The following ZNF567 variants were observed in gnomAD, a reference collection of about 807,000 sequenced individuals.
ZNF567 encodes the protein zinc finger protein 567.
Under a neutral mutation model 53.9 loss-of-function variants are expected in ZNF567, and 36 were observed. The observed-to-expected ratio is 0.67, with a 90% CI of 0.51 to 0.88. The LOEUF is 0.88. Ranked by LOEUF, ZNF567 falls within the 40% of genes least tolerant of loss-of-function variation. ZNF567 has a pLI of 0.00. For missense variants in ZNF567, 619 were observed against 764.7 expected, an observed-to-expected ratio of 0.81 and a Z score of 2.25; for synonymous variants, 224 against 260.4, an observed-to-expected ratio of 0.86 and a Z score of 1.35.
chr19:36,689,982 T>G (rs1254511418), intron 2 of ZNF567, among the ~76,000 whole-genome samples: 2 of 152,206 alleles, frequency 1.3e-5, no homozygotes, highest in East Asian at 3.8e-4. Flanking sequence ...ATAGCAAAAT[T>G]TTACACTCAA....
downstream of ZNF567, among the ~76,000 whole-genome samples, chr19:36,722,502 G>A (rs1343189558): frequency 2.6e-5 from 4 of 151,886 alleles, no homozygotes; most frequent in Non-Finnish European, 5.9e-5. Flanking sequence ...GGGTTTCACT[G>A]TGTTGGCCAG....
chr19:36,714,489 T>C (rs983387925), intron 5 of ZNF567: 11 of 398,384 alleles, frequency 2.8e-5, no homozygotes, highest in Non-Finnish European at 4.9e-5. Context: ...TTTCAGGCTT[T>C]CTTCATCCTG....
Position 36,690,875 on chromosome 19 carries a change from C to A in ZNF567, c.-67+1378C>A, listed in dbSNP as rs962706449. Among the ~76,000 whole-genome samples, 25 of 152,272 alleles carry A rather than the reference C, an allele frequency of 1.6e-4. No individual in the cohort carries two copies. The South Asian group carries it at 4.2e-3, about 25-fold the overall frequency. On this transcript the variant is annotated intron_variant, in intron 2 of 5. Coordinates refer to ENST00000682579, the MANE Select transcript of ZNF567 (RefSeq NM_001322917.1). ...CACCTCTGCAATGTGTAACACTGAG[C>A]AAGCCATGAGTGTCTCCTGTGTTAG...
the ZNF567 span, chr19:36,668,472 C>T: frequency 6.6e-6 from 1 of 152,310 alleles, no homozygotes; most frequent in South Asian, 2.1e-4. Context: ...CTGGGTCCAC[C>T]CATGATTAGA....
At chr19:36,727,079 A>ATTTG (rs2040338818), downstream of ZNF567, 1 of 111,804 alleles carries the variant, frequency 8.9e-6, no homozygotes, top group South Asian at 2.7e-4. Flanking sequence ...TTATTTATTT[A>ATTTG]TTTATTTTTT....
chr19:36,702,187 T>C (rs1202216073), intron 3 of ZNF567, among the ~76,000 whole-genome samples: 1 of 152,158 alleles, frequency 6.6e-6, no homozygotes, highest in Admixed American at 6.5e-5. Context: ...CTTATGAAGC[T>C]TAGTTTGGCT....
At position 36,719,017 on chromosome 19, in the gene ZNF567, T is replaced by C. The variant is rs764389383; in HGVS notation, c.293T>C (p.Val98Ala). 6.8e-6 allele frequency: 11 copies of C among 1,608,252 alleles called. No homozygotes were observed. In the South Asian group the frequency reaches 1.1e-4, roughly 16 times the overall value. ...KEHQEKYSRS[V>A]VSINHKKLVK... ...CACCAAGAGAAGTATTCTAGATCAG[T>C]TGTAAGCATCAACCACAAAAAACTG... The change falls in exon 6 of 6, where the codon GTT (valine) becomes GCT (alanine). Residue 98 changes from valine to alanine, a missense_variant. By Grantham distance (64) the Val-to-Ala change is moderately conservative (BLOSUM62 0). Coordinates refer to ENST00000682579, the MANE Select transcript of ZNF567 (RefSeq NM_001322917.1).
chr19:36,707,472 T>C (rs538469397), intron 3 of ZNF567, among the ~76,000 whole-genome samples: 1 of 152,376 alleles, frequency 6.6e-6, no homozygotes, highest in South Asian at 2.1e-4. Context: ...TCATGTATTT[T>C]TCTTCTCTAG....
intron 2 of ZNF567, among the ~76,000 whole-genome samples, chr19:36,691,807 C>A (rs2038628171): frequency 6.6e-6 from 1 of 152,086 alleles, no homozygotes. Context: ...ATCATGCTGG[C>A]TAATTTGTGT....
At chr19:36,691,193 C>T (rs954177492) in intron 2 of ZNF567, among the ~76,000 whole-genome samples, 9 of 151,862 alleles carry the variant, frequency 5.9e-5, no homozygotes, top group East Asian at 1.9e-4. Flanking sequence ...GGTCTCCCTC[C>T]GTTGCCCAGG....
chr19:36,713,011 C>T (rs1425325882), intron 5 of ZNF567, 144 bp downstream of exon 5: 5 of 638,278 alleles, frequency 7.8e-6, no homozygotes, highest in Non-Finnish European at 1.3e-5. Flanking sequence ...CTATAAAACT[C>T]AAAACCAGAC....
At chr19:36,707,998 C>T (rs957691402) in intron 3 of ZNF567, among the ~76,000 whole-genome samples, 9 of 152,064 alleles carry the variant, frequency 5.9e-5, no homozygotes, top group Admixed American at 5.2e-4. Context: ...TGGGCTCAAG[C>T]GATCCCCCCA....
chr19:36,683,832 A>T (rs2038222409), upstream of ZNF567, among the ~76,000 whole-genome samples: 1 of 151,980 alleles, frequency 6.6e-6, no homozygotes, highest in Non-Finnish European at 1.5e-5. Flanking sequence ...ACTCTGTCTC[A>T]AATAATAATA....
chr19:36,725,536 G>C (rs147735617), downstream of ZNF567, among the ~76,000 whole-genome samples: 1 of 152,152 alleles, frequency 6.6e-6, no homozygotes, highest in Non-Finnish European at 1.5e-5. Context: ...GGTACAATGT[G>C]TTACGGTGTT....
At chr19:36,677,458 CAAAAAAAAAAAAA>C in the ZNF567 span, among the ~76,000 whole-genome samples, 2 of 50,912 alleles carry the variant, frequency 3.9e-5, no homozygotes, top group African/African-American at 1.3e-4. Flanking sequence ...GACTCTGTCT[CAAAAAAAAAAAAA>C]AAAAAAAAAA....
rs36163338 is a variant in ZNF567 at position 36,698,068 on chromosome 19, T to TC, written c.9+3198dup. 2.2e-4 allele frequency among the ~76,000 whole-genome samples: 34 copies of TC among 151,828 alleles called. No homozygotes were observed. The East Asian group carries it at 6.4e-3, about 29-fold the overall frequency. Reference sequence around the variant, plus strand: ...TAGGTATATCTCCTAATGCTATCCCTCCCCCCTCTCCCCACCCGACAACAG... The same window carrying TC: ...TAGGTATATCTCCTAATGCTATCCCTCCCCCCCTCTCCCCACCCGACAACAG... On this transcript the variant is annotated intron_variant, in intron 3 of 5. Coordinates refer to ENST00000682579, the MANE Select transcript of ZNF567 (RefSeq NM_001322917.1).
chr19:36,673,838 G>A, the ZNF567 span, among the ~76,000 whole-genome samples: 1 of 152,162 alleles, frequency 6.6e-6, no homozygotes, highest in African/African-American at 2.4e-5. Flanking sequence ...CCGGTAAACT[G>A]ATGATGCAGG....
upstream of ZNF567, among the ~76,000 whole-genome samples, chr19:36,683,114 C>T (rs1306520122): frequency 6.6e-6 from 1 of 151,876 alleles, no homozygotes; most frequent in Admixed American, 6.6e-5. Context: ...CTCCAACGCT[C>T]AGGTTGGAGT....
chr19:36,706,486 A>G (rs1009798510), intron 3 of ZNF567, among the ~76,000 whole-genome samples: 3 of 151,666 alleles, frequency 2.0e-5, no homozygotes, highest in Admixed American at 1.3e-4. Context: ...TAGAGACACA[A>G]TTTCACCATG....
Sources: gnomAD v4.1 joint callset for allele counts (sites outside exome capture counted in the v4.1 genomes callset) on GRCh38, gnomAD v4.1.1 for gene constraint, MANE v1.5 for transcripts, NCBI Gene and HGNC (gene_info 2026-07-23, HGNC 2026-07-21) for gene names.